NISCH: variants seen among roughly 807,000 people sequenced by gnomAD.
The protein encoded by NISCH is nischarin.
A neutral mutation model predicts 138.4 loss-of-function variants in NISCH; 55 were observed. The observed-to-expected ratio is 0.40, with a 90% confidence interval of 0.32 to 0.50. The LOEUF (loss-of-function observed/expected upper bound fraction) is 0.50, where lower values mean the gene tolerates loss of function less well. NISCH is among the 20% of genes least tolerant of loss of function. NISCH has a pLI of 0.71. For synonymous variants in NISCH, 860 were observed against 861.5 expected (o/e 1.00, Z 0.03); for missense variants, 1,643 against 2,005.5 (o/e 0.82, Z 3.45).
chr3:52,491,789 C>A, intron 20 of NISCH, 83 bp from the exon 21 acceptor site: 4 of 1,489,778 alleles, frequency 2.7e-6, no homozygotes, highest in Non-Finnish European at 3.6e-6. Flanking sequence ...GCCGGGGTCT[C>A]TCGGTTGGCT....
chr3:52,457,250 A>G (rs1460973156), intron 1 of NISCH, among the ~76,000 whole-genome samples: 1 of 152,126 alleles, frequency 6.6e-6, no homozygotes, highest in Non-Finnish European at 1.5e-5. Context: ...TCTAGGCCAT[A>G]TTGCCTCCTG....
chr3:52,476,252 T>G (rs779806790), intron 7 of NISCH, 195 bp from the exon 8 acceptor site: 2 of 611,772 alleles, frequency 3.3e-6, no homozygotes, highest in South Asian at 2.1e-5. Flanking sequence ...GTGGCTGTTA[T>G]GTGGTAAATT....
At position 52,476,576 on chromosome 3, in the gene NISCH, G is replaced by A. The variant is rs9856575; in HGVS notation, c.895G>A (p.Val299Ile). 0.98 allele frequency: 1,585,733 copies of A among 1,614,198 alleles called. 778,956 individuals carry two copies. Among genetic ancestry groups the A allele is most frequent in the East Asian group, 1 (44,889 of 44,890 alleles). ...CACGCTTGACCTGAGCCACAACAGC[G>A]TCTCCGAGATCGACGAGTCTGTGGT... is the stretch of plus-strand genomic sequence containing the variant. Reference protein sequence around the residue: ...LTTLDLSHNSVSEIDESVKLI... With the variant: ...LTTLDLSHNSISEIDESVKLI... The change falls in exon 8 of 21, where the codon GTC becomes ATC. Residue 299 changes from valine to isoleucine, a missense_variant. Physicochemically the swap from Val to Ile is conservative, Grantham distance 29. Transcript: ENST00000345716.
chr3:52,484,040 C>T (rs1182637297), intron 13 of NISCH, among the ~76,000 whole-genome samples: 1 of 152,194 alleles, frequency 6.6e-6, no homozygotes, highest in Admixed American at 6.5e-5. Flanking sequence ...ATCCGCTGGC[C>T]GTTCTTCTGC....
chr3:52,484,283 A>G (rs974512091), intron 13 of NISCH: 4 of 486,074 alleles, frequency 8.2e-6, no homozygotes, highest in Non-Finnish European at 1.5e-5. Context: ...ATTTATTCTC[A>G]GAATGCTTCT....
chr3:52,481,100 C>A, intron 13 of NISCH: 1 of 1,303,646 alleles, frequency 7.7e-7, no homozygotes, highest in Non-Finnish European at 9.7e-7. Flanking sequence ...CATTCCCACC[C>A]CTTGACCTGG....
chr3:52,466,836 A>G (rs1004312242), intron 3 of NISCH, among the ~76,000 whole-genome samples: 18 of 152,248 alleles, frequency 1.2e-4, no homozygotes, highest in African/African-American at 4.1e-4. Context: ...ACCACAGCCC[A>G]GCTAGTGTTT....
intron 20 of NISCH, 78 bp downstream of exon 20, chr3:52,491,591 A>G: frequency 6.8e-7 from 1 of 1,462,100 alleles, no homozygotes; most frequent in Non-Finnish European, 9.2e-7. Context: ...TCTGTGCCCC[A>G]GAACCCTCTC....
At position 52,470,596 on chromosome 3, in the gene NISCH, C is replaced by T. The variant is rs1706916848; in HGVS notation, c.361-263C>T. On this transcript the variant is annotated intron_variant, in intron 3 of 20. Transcript: ENST00000345716. ...TGCTGGCCTCCTGGGCTACAGTGCCCTTGGCCCTATGGACTGGAGTCGCAG... is the reference window on the plus strand; with the variant it reads ...TGCTGGCCTCCTGGGCTACAGTGCCTTTGGCCCTATGGACTGGAGTCGCAG... 5 of 548,886 alleles carry T rather than the reference C, an allele frequency of 9.1e-6. No individual in the cohort carries two copies. In the East Asian group the frequency reaches 1.5e-4, roughly 17 times the overall value. 34.0% of individuals were successfully genotyped at this position (548,886 alleles called of 1,614,324 possible).
In NISCH at chr3:52,456,901, G is replaced by A. The variant is rs114644622; in HGVS notation, c.94-942G>A. Among the ~76,000 whole-genome samples the A allele has an allele frequency of 3.7e-3, 570 of 152,282 alleles. 2 individuals are homozygous for A. The highest frequency in any genetic ancestry group is 0.013 in the African/African-American group (544 of 41,566). On this transcript the variant is annotated intron_variant, in intron 1 of 20. Transcript: ENST00000345716. ...TGGCCATCAGCTATGGGCACATTCA[G>A]CCAGAGGGCCATCTTCAAAAAGCTC...
Position 52,480,991 on chromosome 3 carries a change from G to A in NISCH, c.1528+696G>A, listed in dbSNP as rs1461446750. 1.5e-5 allele frequency: 22 copies of A among 1,440,596 alleles called. No homozygotes were observed. In the South Asian group the frequency reaches 1.8e-4, roughly 11 times the overall value. The allele number at this position is 1,440,596 out of a possible 1,614,324, so 89.2% of individuals were successfully genotyped here. A position where few individuals can be genotyped will look rare whatever the true frequency, so the allele number is the denominator to read the frequency against. The stretch of plus-strand genomic sequence containing the variant: ...CGAGTGGAGCCGAGGCTCGGGACAC[G>A]CAGGAAAGGACGCCGCCTGCCCGGG... On this transcript the variant is annotated intron_variant, in intron 13 of 20. Coordinates refer to ENST00000345716, the MANE Select transcript of NISCH (RefSeq NM_007184.4).
chr3:52,457,030 T>C (rs2267921), intron 1 of NISCH, among the ~76,000 whole-genome samples: 24,335 of 152,184 alleles, frequency 0.16, 2,499 homozygotes, highest in East Asian at 0.28. Flanking sequence ...GAGTTGGACA[T>C]TATTAACACA....
intron 1 of NISCH, among the ~76,000 whole-genome samples, chr3:52,457,478 G>A (rs1406634552): frequency 6.6e-6 from 1 of 152,220 alleles, no homozygotes; most frequent in Non-Finnish European, 1.5e-5. Context: ...GGCCTTGCCT[G>A]CAGCTCCGGT....
chr3:52,473,899 C>A, intron 7 of NISCH, 70 bp downstream of exon 7: 2 of 1,020,828 alleles, frequency 2.0e-6, no homozygotes, highest in Non-Finnish European at 3.0e-6. Context: ...GTCTCCACCA[C>A]TAAGGATGGG....
In NISCH at chr3:52,481,226, G is replaced by A. The variant is rs1707261683; in HGVS notation, c.1528+931G>A. 7 of 1,125,458 alleles carry A rather than the reference G, an allele frequency of 6.2e-6. No homozygotes were observed. In the Admixed American group the frequency reaches 2.0e-4, roughly 32 times the overall value. 69.7% of individuals were successfully genotyped at this position (1,125,458 alleles called of 1,614,324 possible). On this transcript the variant is annotated intron_variant, in intron 13 of 20. Coordinates refer to ENST00000345716, the MANE Select transcript of NISCH (RefSeq NM_007184.4). ...CTGCAACATCGGAGGATGAGAGGGA[G>A]AGTCGGCTGTGGTGCAGAATGCTCA...
chr3:52,484,462 T>TTGGGGCGGCCCCCCCCC, intron 13 of NISCH, 51 bp from the exon 14 acceptor site: 1 of 788,670 alleles, frequency 1.3e-6, no homozygotes, highest in Non-Finnish European at 1.8e-6. Flanking sequence ...ACAGCCGCTC[T>TTGGGGCGGCCCCCCCCC]CCCCGCCCCA....
rs749861696 is a variant in NISCH, at chr3:52,492,428, T to C, written c.4461T>C (p.Ala1487=). The C allele has an allele frequency of 6.2e-7, 1 of 1,612,302 alleles. No homozygotes were observed. Among genetic ancestry groups the C allele is most frequent in the South Asian group, 1.1e-5 (1 of 91,068 alleles). ...GAGAGAAGCTCATCTCGCTGTTGGC[T>C]CGCCAGTGGGAGGCCCTGTGTGGCC... is the stretch of plus-strand genomic sequence containing the variant. ...ESREKLISLL[A]RQWEALCGRE... The change falls in exon 21 of 21, where the codon GCT becomes GCC. Residue 1487 remains alanine, a synonymous_variant. Coordinates refer to ENST00000345716, the MANE Select transcript of NISCH (RefSeq NM_007184.4).
In NISCH at chr3:52,484,444, C is replaced by T. The variant is rs1036150720; in HGVS notation, c.1529-69C>T. ...CAGTAGCCTGAGGGGCCCAGCCCCACTTGTTGAACAGCCGCTCTCCCCGCC... is the reference window on the plus strand; with the variant it reads ...CAGTAGCCTGAGGGGCCCAGCCCCATTTGTTGAACAGCCGCTCTCCCCGCC... On this transcript the variant is annotated intron_variant, in intron 13 of 20. Coordinates refer to ENST00000345716, the MANE Select transcript of NISCH (RefSeq NM_007184.4). 10 of 1,463,354 alleles carry T rather than the reference C, an allele frequency of 6.8e-6. No homozygotes were observed. In the African/African-American group the frequency reaches 1.4e-4, roughly 20 times the overall value. 90.6% of individuals were successfully genotyped at this position (1,463,354 alleles called of 1,614,324 possible).
In NISCH at chr3:52,487,895, C is replaced by A; in HGVS notation, c.2403C>A (p.His801Gln). Residue 801 changes from histidine to glutamine, a missense_variant, in exon 16 of 21, where the codon CAC becomes CAA. By Grantham distance (24) the His-to-Gln change is conservative. Coordinates refer to ENST00000345716, the MANE Select transcript of NISCH (RefSeq NM_007184.4). The surrounding 1 kb of genome is among the most constrained non-coding windows in gnomAD (Gnocchi z 9.1). ...TTATCTCGGACGCCGCCAACCTGCA[C>A]GAGTTCCACGCGGACCTGCGCTCAT... ...LFIISDAANL[H>Q]EFHADLRSCF... is the part of the protein sequence containing the mutation. The A allele has an allele frequency of 6.2e-6, 10 of 1,612,070 alleles. No individual in the cohort carries two copies. The highest frequency in any genetic ancestry group is 8.5e-6 in the Non-Finnish European group (10 of 1,179,930).
Sources: allele counts gnomAD v4.1 joint callset (sites outside exome capture counted in the v4.1 genomes callset), GRCh38; gene constraint gnomAD v4.1.1; non-coding constraint Gnocchi (gnomAD v3.1); transcripts MANE v1.5; gene names NCBI Gene and HGNC (gene_info 2026-07-23, HGNC 2026-07-21).